Variants in GLYAT observed in about 807,000 individuals in gnomAD.
GLYAT encodes the protein glycine N-acyltransferase.
In GLYAT, 25 loss-of-function variants were observed where a neutral mutation model predicts 22.8. The observed-to-expected ratio is 1.09, with a 90% CI of 0.80 to 1.53. GLYAT has a LOEUF of 1.53. GLYAT is among the 40% of genes most tolerant of loss of function. The probability of loss-of-function intolerance (pLI) is 0.00; values close to 1 mark genes in which losing one functional copy is unlikely to be tolerated. For synonymous variants in GLYAT, 140 were observed against 122.7 expected (o/e 1.14, Z -0.93); for missense variants, 411 against 353.9 (o/e 1.16, Z -1.29).
chr11:58,713,350 C>T (rs1159664493), intron 3 of GLYAT, among the ~76,000 whole-genome samples: 3 of 152,084 alleles, frequency 2.0e-5, no homozygotes, highest in Non-Finnish European at 2.9e-5. Context: ...CCACATATCA[C>T]GTTAAAATTT....
chr11:58,728,148 C>A (rs1423276237), intron 1 of GLYAT, among the ~76,000 whole-genome samples: 1 of 148,266 alleles, frequency 6.7e-6, no homozygotes, highest in Non-Finnish European at 1.5e-5. Context: ...CTGCAACCTC[C>A]ACCTCCCAGG....
At chr11:58,728,211 C>A (rs183145965) in intron 1 of GLYAT, among the ~76,000 whole-genome samples, 251 of 151,918 alleles carry the variant, frequency 1.7e-3, no homozygotes, top group African/African-American at 5.9e-3. Flanking sequence ...TACAGGCACG[C>A]AACACCACAC....
intron 2 of GLYAT, among the ~76,000 whole-genome samples, chr11:58,716,681 C>T (rs527450611): frequency 1.3e-5 from 2 of 152,084 alleles, no homozygotes; most frequent in South Asian, 2.1e-4. Flanking sequence ...CCTTTTTAGT[C>T]CTACTGGACC....
Position 58,709,834 on chromosome 11 carries a change from T to G in GLYAT, c.823A>C (p.Met275Leu). The G allele has an allele frequency of 6.2e-7, 1 of 1,614,050 alleles. No homozygotes were observed. Among genetic ancestry groups the G allele is most frequent in the Non-Finnish European group, 8.5e-7 (1 of 1,179,880 alleles). Reference protein sequence around the residue: ...VDYSNEAMQKMSYTLQHVPIP... With the variant: ...VDYSNEAMQKLSYTLQHVPIP... ...GGAACATGTTGCAGTGTGTAACTCA[T>G]TTTTTGCATAGCTTCATTGCTGTAG... is the stretch of plus-strand genomic sequence containing the variant. Residue 275 changes from methionine to leucine, a missense_variant, in exon 6 of 6, where the codon ATG becomes CTG. By Grantham distance (15) the Met-to-Leu change is conservative. Coordinates refer to ENST00000344743, the MANE Select transcript of GLYAT (RefSeq NM_201648.3).
At chr11:58,713,458 A>G (rs926680756) in intron 3 of GLYAT, among the ~76,000 whole-genome samples, 3 of 152,166 alleles carry the variant, frequency 2.0e-5, no homozygotes, top group Non-Finnish European at 2.9e-5. Flanking sequence ...AGCTTATGTC[A>G]CAAGAATAAA....
At chr11:58,728,882 GAAA>G (rs1565061023) in intron 1 of GLYAT, among the ~76,000 whole-genome samples, 30 of 118,066 alleles carry the variant, frequency 2.5e-4, no homozygotes, top group African/African-American at 1.0e-3. Flanking sequence ...AAGAAAGAAA[GAAA>G]GAAAGAAGGA....
At chr11:58,718,480 T>A (rs1057114751) in intron 2 of GLYAT, among the ~76,000 whole-genome samples, 3 of 152,088 alleles carry the variant, frequency 2.0e-5, no homozygotes, top group Non-Finnish European at 2.9e-5. Flanking sequence ...CTATGAGTCC[T>A]GAAAGTTTTT....
At chr11:58,731,626 T>C (rs1255677622) in intron 1 of GLYAT, among the ~76,000 whole-genome samples, 4 of 152,198 alleles carry the variant, frequency 2.6e-5, no homozygotes, top group Non-Finnish European at 4.4e-5. Context: ...AGTGAAAACA[T>C]TACCATTATG....
At chr11:58,713,771 C>T (rs1161221896) in intron 3 of GLYAT, among the ~76,000 whole-genome samples, 2 of 152,034 alleles carry the variant, frequency 1.3e-5, no homozygotes, top group Non-Finnish European at 2.9e-5. Flanking sequence ...AAAACCCACT[C>T]ACAAGTCAGC....
At chr11:58,730,388 C>T (rs745912605) in intron 1 of GLYAT, among the ~76,000 whole-genome samples, 3 of 152,100 alleles carry the variant, frequency 2.0e-5, no homozygotes, top group Admixed American at 6.6e-5. Flanking sequence ...TGGGACGATT[C>T]TAATAGTTTT....
rs757397374 is a variant in GLYAT, at chr11:58,710,583, A to G, written c.488+7T>C. On this transcript the variant is annotated splice_region_variant and intron_variant, in intron 5 of 5. Coordinates refer to ENST00000344743, the MANE Select transcript of GLYAT (RefSeq NM_201648.3). ...GAGTGGTATAGACTGGATTTTATCAAACTCACATGGCCTTGGGTTTGCCAC... is the reference window on the plus strand; with the variant it reads ...GAGTGGTATAGACTGGATTTTATCAGACTCACATGGCCTTGGGTTTGCCAC... 6.3e-7 allele frequency: 1 copy of G among 1,589,544 alleles called. No individual in the cohort carries two copies. Among genetic ancestry groups the G allele is most frequent in the African/African-American group, 1.3e-5 (1 of 74,740 alleles).
At chr11:58,727,857 G>A (rs939216414) in intron 1 of GLYAT, among the ~76,000 whole-genome samples, 2 of 152,042 alleles carry the variant, frequency 1.3e-5, no homozygotes, top group Non-Finnish European at 2.9e-5. Flanking sequence ...TCAAGTTCTA[G>A]CAGACCACTG....
chr11:58,728,859 AAAG>A (rs1565060953), intron 1 of GLYAT: 47 of 90,622 alleles, frequency 5.2e-4, no homozygotes, highest in African/African-American at 2.1e-3. Flanking sequence ...AAGAAGAAAG[AAAG>A]AAAGAAAGAA....
chr11:58,709,656 G>A lies in GLYAT; in HGVS notation c.*110C>T, dbSNP rs902260976. 7.9e-6 allele frequency: 9 copies of A among 1,145,584 alleles called. No individual in the cohort carries two copies. Among genetic ancestry groups the A allele is most frequent in the African/African-American group, 7.7e-5 (5 of 64,588 alleles). The allele number at this position is 1,145,584 out of a possible 1,614,324, so 71.0% of individuals were successfully genotyped here. On this transcript the variant is annotated 3_prime_UTR_variant, in exon 6 of 6. Coordinates refer to ENST00000344743, the MANE Select transcript of GLYAT (RefSeq NM_201648.3). ...ACTGCTTCCCCAGAGTCCAAACAGTGCCCACTCCTTTACTGCTGATTACAA... is the reference window on the plus strand; with the variant it reads ...ACTGCTTCCCCAGAGTCCAAACAGTACCCACTCCTTTACTGCTGATTACAA...
rs544259856 is a variant in GLYAT at position 58,709,141 on chromosome 11, T to C, written c.*625A>G. 7.2e-5 allele frequency: 11 copies of C among 152,324 alleles called. No individual in the cohort carries two copies. The East Asian group carries it at 1.9e-3, about 27-fold the overall frequency. The allele number at this position is 152,324 out of a possible 1,614,324, so 9.4% of individuals were successfully genotyped here. ...TGGAAGCTCATCTTTAGAAAAAACATTGGATCTTTTTTCCTGGAATAGGAG... is the reference window on the plus strand; with the variant it reads ...TGGAAGCTCATCTTTAGAAAAAACACTGGATCTTTTTTCCTGGAATAGGAG... On this transcript the variant is annotated 3_prime_UTR_variant, in exon 6 of 6. Transcript: ENST00000344743.
intron 2 of GLYAT, among the ~76,000 whole-genome samples, chr11:58,721,319 TAGAA>T (rs1856747120): frequency 6.6e-6 from 1 of 151,888 alleles, no homozygotes; most frequent in South Asian, 2.1e-4. Flanking sequence ...CTGGTGATGA[TAGAA>T]GGAGATGTTT....
Position 58,709,306 on chromosome 11 carries a change from G to T in GLYAT, c.*460C>A, listed in dbSNP as rs1856579152. The T allele has an allele frequency of 6.3e-6, 1 of 157,538 alleles. No individual in the cohort carries two copies. The highest frequency in any genetic ancestry group is 1.4e-5 in the Non-Finnish European group (1 of 71,164). 9.8% of individuals were successfully genotyped at this position (157,538 alleles called of 1,614,324 possible). A position where few individuals can be genotyped will look rare whatever the true frequency, so the allele number is the denominator to read the frequency against. ...ATGTACCTATAAAGTAGCAATAACA[G>T]GAGAGGATAATCTCTAAAGACCTGC... On this transcript the variant is annotated 3_prime_UTR_variant, in exon 6 of 6. Transcript: ENST00000344743.
chr11:58,712,658 C>A, intron 4 of GLYAT, 102 bp downstream of exon 4: 2 of 980,224 alleles, frequency 2.0e-6, no homozygotes, highest in Non-Finnish European at 1.6e-6. Context: ...AAATTGACAG[C>A]AGGCTGGGAG....
chr11:58,710,891 T>C, intron 4 of GLYAT, 130 bp from the exon 5 acceptor site: 3 of 606,928 alleles, frequency 4.9e-6, no homozygotes, highest in Non-Finnish European at 8.8e-6. Flanking sequence ...TACCACTGTG[T>C]GACCCATGTC....
Sources: gnomAD v4.1 joint callset for allele counts (sites outside exome capture counted in the v4.1 genomes callset) on GRCh38, gnomAD v4.1.1 for gene constraint, MANE v1.5 for transcripts, NCBI Gene and HGNC (gene_info 2026-07-23, HGNC 2026-07-21) for gene names.